DOCK2: variants seen among roughly 807,000 people sequenced by gnomAD.
DOCK2 encodes the protein dedicator of cytokinesis 2.
A neutral mutation model predicts 248.9 loss-of-function variants in DOCK2; 87 were observed. That is an observed-to-expected ratio of 0.35 (90% CI 0.29 to 0.42). DOCK2 has a LOEUF of 0.42. Ranked by LOEUF, DOCK2 falls within the 10% of genes least tolerant of loss-of-function variation. The pLI, the probability that DOCK2 is intolerant of heterozygous loss-of-function variation, is 1.00. For missense variants in DOCK2, 1,747 were observed against 2,300.2 expected (o/e 0.76, Z 4.92); for synonymous variants, 805 against 821.6 (o/e 0.98, Z 0.35).
intron 27 of DOCK2, chr5:169,882,857 A>G (rs746974327): frequency 6.4e-7 from 1 of 1,551,102 alleles, no homozygotes; most frequent in South Asian, 1.2e-5. Context: ...GCAGATTTCG[A>G]TGCACTGTTA....
intron 48 of DOCK2, among the ~76,000 whole-genome samples, chr5:170,078,530 G>A (rs574531179): frequency 6.6e-6 from 1 of 152,314 alleles, no homozygotes; most frequent in Non-Finnish European, 1.5e-5. Context: ...TATGCCAAGG[G>A]TTCCTCAGAC....
chr5:170,071,715 T>C (rs867314522), intron 46 of DOCK2, among the ~76,000 whole-genome samples: 2 of 152,296 alleles, frequency 1.3e-5, no homozygotes, highest in South Asian at 2.1e-4. Context: ...ATCTTAGGCC[T>C]CCTTCCCTAA....
intron 25 of DOCK2, among the ~76,000 whole-genome samples, chr5:169,776,831 C>T (rs1165865455): frequency 3.3e-5 from 5 of 152,176 alleles, no homozygotes; most frequent in African/African-American, 4.8e-5. Flanking sequence ...CTTTGCCTTC[C>T]GCCATGATTG....
chr5:170,078,200 TC>T (rs972276731), intron 48 of DOCK2, among the ~76,000 whole-genome samples: 7 of 152,046 alleles, frequency 4.6e-5, no homozygotes, highest in African/African-American at 1.7e-4. Flanking sequence ...TCAAGGAAGC[TC>T]CTCCCAACCA....
At chr5:170,064,242 C>T (rs78760014) in intron 44 of DOCK2, among the ~76,000 whole-genome samples, 1,835 of 151,978 alleles carry the variant, frequency 0.012, 36 homozygotes, top group African/African-American at 0.04. Context: ...AATGAAGAAA[C>T]AGGGTAATAT....
intron 27 of DOCK2, among the ~76,000 whole-genome samples, chr5:169,849,663 T>C (rs1303050963): frequency 1.5e-4 from 23 of 152,230 alleles, no homozygotes; most frequent in Admixed American, 1.4e-3. Context: ...AGAGAACTTT[T>C]TCTTTATGTG....
intron 27 of DOCK2, among the ~76,000 whole-genome samples, chr5:169,948,033 C>G (rs1776514790): frequency 6.6e-6 from 1 of 152,106 alleles, no homozygotes; most frequent in Admixed American, 6.6e-5. Context: ...GGGGCTGATC[C>G]TACCTTCAGG....
intron 39 of DOCK2, among the ~76,000 whole-genome samples, chr5:170,046,356 T>TG (rs1250330025): frequency 3.3e-5 from 5 of 152,020 alleles, no homozygotes; most frequent in Non-Finnish European, 7.4e-5. Context: ...AAGTGGAGAG[T>TG]GGGGGAAGCC....
At position 170,045,651 on chromosome 5, in the gene DOCK2, CCT is replaced by C. The variant is rs201773556; in HGVS notation, c.3877-160_3877-159del. Reference sequence around the variant, plus strand: ...CGGTGAGAGGCCAGAGGAAGGTCGTCCTCTCTAGGAAGCCCCCGGCCCCTCTG... The same window carrying C: ...CGGTGAGAGGCCAGAGGAAGGTCGTCCTCTAGGAAGCCCCCGGCCCCTCTG... On this transcript the variant is annotated intron_variant, in intron 38 of 51. Transcript: ENST00000520908. Among the ~76,000 whole-genome samples, 1,419 of 152,280 alleles carry C rather than the reference CCT, an allele frequency of 9.3e-3. 10 individuals carry two copies. The highest frequency in any genetic ancestry group is 0.058 in the Middle Eastern group (17 of 294).
chr5:169,825,036 C>T (rs1247283196), intron 26 of DOCK2, among the ~76,000 whole-genome samples: 1 of 152,112 alleles, frequency 6.6e-6, no homozygotes, highest in Non-Finnish European at 1.5e-5. Flanking sequence ...TCATCACTGG[C>T]CATCAGAGAA....
At chr5:169,864,473 A>C in intron 27 of DOCK2, 1 of 1,508,012 alleles carries the variant, frequency 6.6e-7, no homozygotes, top group East Asian at 2.5e-5. Flanking sequence ...AAAAACACAG[A>C]GAGGAAGGAA....
In DOCK2 at chr5:169,763,144, G is replaced by A. The variant is rs1416591880; in HGVS notation, c.2554+1519G>A. Among the ~76,000 whole-genome samples the A allele has an allele frequency of 6.6e-6, 1 of 152,216 alleles. No individual in the cohort carries two copies. Among genetic ancestry groups the A allele is most frequent in the Non-Finnish European group, 1.5e-5 (1 of 68,038 alleles). ...GTTTGAGCCAGGTGGTTTTTGTGAG[G>A]TTATGGAGACTAATTCTGGTAAGTC... On this transcript the variant is annotated intron_variant, in intron 25 of 51. Transcript: ENST00000520908. The surrounding 1 kb of genome is among the most constrained non-coding windows in gnomAD (Gnocchi z 4.1).
At chr5:169,960,079 G>A (rs1777023862) in intron 27 of DOCK2, among the ~76,000 whole-genome samples, 1 of 152,340 alleles carries the variant, frequency 6.6e-6, no homozygotes. Context: ...GTGGATGAGG[G>A]AACGGTCAGG....
At chr5:169,681,646 ACCCC>A in intron 6 of DOCK2, 94 bp from the exon 7 acceptor site, 1 of 1,431,960 alleles carries the variant, frequency 7.0e-7, no homozygotes, top group Non-Finnish European at 9.5e-7. Flanking sequence ...TGACTATATG[ACCCC>A]CAGAAATCAG....
At chr5:169,787,506 G>A (rs978225314) in intron 25 of DOCK2, among the ~76,000 whole-genome samples, 2 of 152,094 alleles carry the variant, frequency 1.3e-5, no homozygotes, top group African/African-American at 4.8e-5. Flanking sequence ...GGCTCACTGG[G>A]CCCCCTGCCA....
intron 27 of DOCK2, among the ~76,000 whole-genome samples, chr5:169,846,805 G>A (rs908826246): frequency 3.9e-5 from 6 of 152,212 alleles, no homozygotes; most frequent in African/African-American, 1.2e-4. Context: ...CACATGAGTA[G>A]TGTGCATTGT....
chr5:169,797,877 C>T (rs1420010928), intron 25 of DOCK2, among the ~76,000 whole-genome samples: 2 of 152,198 alleles, frequency 1.3e-5, no homozygotes, highest in Non-Finnish European at 2.9e-5. Context: ...TATAATTTCA[C>T]AGCTCCAATT....
intron 9 of DOCK2, among the ~76,000 whole-genome samples, chr5:169,691,720 C>T (rs1021848404): frequency 2.0e-5 from 3 of 152,150 alleles, no homozygotes; most frequent in Non-Finnish European, 4.4e-5. Flanking sequence ...GATGTTAGCT[C>T]TTCCTGGTCT....
At chr5:170,006,476 C>A (rs907043667) in intron 30 of DOCK2, among the ~76,000 whole-genome samples, 3 of 152,046 alleles carry the variant, frequency 2.0e-5, no homozygotes, top group African/African-American at 7.2e-5. Context: ...CCATGCCCGG[C>A]TAATTTTTGT....
Sources: gnomAD v4.1 joint callset for allele counts (sites outside exome capture counted in the v4.1 genomes callset) on GRCh38, gnomAD v4.1.1 for gene constraint, Gnocchi (gnomAD v3.1) non-coding constraint, MANE v1.5 for transcripts, NCBI Gene and HGNC (gene_info 2026-07-23, HGNC 2026-07-21) for gene names.